LRP1B: variants seen among roughly 807,000 people sequenced by gnomAD.
LRP1B encodes LDL receptor related protein 1B.
Under a neutral mutation model 556.6 loss-of-function variants are expected in LRP1B, and 217 were observed. The observed-to-expected ratio is 0.39, with a 90% CI of 0.35 to 0.44. The LOEUF (loss-of-function observed/expected upper bound fraction) is 0.44. LRP1B is among the 20% of genes least tolerant of loss of function. LRP1B has a pLI of 1.00. For synonymous variants in LRP1B, 2,047 were observed against 1,865.8 expected, an observed-to-expected ratio of 1.10 and a Z score of -2.50; for missense variants, 5,053 against 5,620.8, an observed-to-expected ratio of 0.90 and a Z score of 3.23.
intron 7 of LRP1B, among the ~76,000 whole-genome samples, chr2:141,108,750 T>A (rs1204625946): frequency 1.3e-5 from 2 of 152,164 alleles, no homozygotes. Flanking sequence ...ACTAAAAAAG[T>A]CTTCAGTATG....
At chr2:141,654,456 G>C (rs1435660091) in intron 2 of LRP1B, among the ~76,000 whole-genome samples, 1 of 152,124 alleles carries the variant, frequency 6.6e-6, no homozygotes, top group African/African-American at 2.4e-5. Context: ...GGAAGACACT[G>C]TGAACAGGTG....
At chr2:141,610,626 T>C (rs1688077298) in intron 2 of LRP1B, among the ~76,000 whole-genome samples, 1 of 152,180 alleles carries the variant, frequency 6.6e-6, no homozygotes, top group Admixed American at 6.6e-5. Context: ...AACCTCGTGG[T>C]AACTCTTACT....
intron 66 of LRP1B, among the ~76,000 whole-genome samples, chr2:140,435,661 T>C (rs1686143787): frequency 1.4e-5 from 1 of 69,548 alleles, no homozygotes; most frequent in Non-Finnish European, 2.9e-5. Context: ...CCTGTTATTG[T>C]TAAGACAGAA....
chr2:140,242,272 A>G (rs1057501271), intron 87 of LRP1B, among the ~76,000 whole-genome samples: 1 of 151,178 alleles, frequency 6.6e-6, no homozygotes, highest in Non-Finnish European at 1.5e-5. Context: ...AGAAAATACT[A>G]CATACATGCT....
At chr2:140,850,515 T>A (rs761269309) in intron 28 of LRP1B, among the ~76,000 whole-genome samples, 186 bp from the exon 29 acceptor site, 1 of 152,138 alleles carries the variant, frequency 6.6e-6, no homozygotes, top group Non-Finnish European at 1.5e-5. Context: ...AAATATGAAA[T>A]GAGTTAGAAG....
intron 2 of LRP1B, among the ~76,000 whole-genome samples, chr2:141,749,336 C>T (rs188334843): frequency 2.4e-4 from 36 of 152,126 alleles, no homozygotes; most frequent in East Asian, 1.2e-3. Context: ...TCTTTATTGA[C>T]GTAATCAGAT....
chr2:142,128,054 T>C (rs1043037875), intron 1 of LRP1B, among the ~76,000 whole-genome samples: 2 of 152,112 alleles, frequency 1.3e-5, no homozygotes, highest in Non-Finnish European at 2.9e-5. Context: ...AACTTACATG[T>C]ACATTAGTTT....
chr2:140,956,490 T>C (rs1695877015), intron 18 of LRP1B, among the ~76,000 whole-genome samples: 2 of 151,802 alleles, frequency 1.3e-5, no homozygotes, highest in Non-Finnish European at 3.0e-5. Context: ...TAATTAAATA[T>C]TCTTATGAAA....
chr2:141,306,280 C>G (rs1159935438), intron 3 of LRP1B, among the ~76,000 whole-genome samples: 1 of 151,968 alleles, frequency 6.6e-6, no homozygotes, highest in Admixed American at 6.6e-5. Context: ...GAGTAATGGA[C>G]TTTTTTTAAT....
At chr2:141,067,118 T>C (rs1699501409) in intron 7 of LRP1B, among the ~76,000 whole-genome samples, 1 of 152,010 alleles carries the variant, frequency 6.6e-6, no homozygotes, top group Admixed American at 6.6e-5. Flanking sequence ...TCATTTTTTA[T>C]GCCATTGTAC....
intron 43 of LRP1B, among the ~76,000 whole-genome samples, chr2:140,578,434 A>C (rs900844781): frequency 8.5e-5 from 13 of 152,268 alleles, no homozygotes; most frequent in Middle Eastern, 3.4e-3. Context: ...TAAGAAAATA[A>C]ATTCTTTTAC....
chr2:141,098,868 G>C (rs947835553), intron 7 of LRP1B, among the ~76,000 whole-genome samples: 2 of 152,078 alleles, frequency 1.3e-5, no homozygotes, highest in Non-Finnish European at 2.9e-5. Flanking sequence ...TGTTGGTCAG[G>C]CTGGTCTTGA....
At chr2:140,486,583 A>C (rs1414121399) in intron 58 of LRP1B, among the ~76,000 whole-genome samples, 1 of 151,904 alleles carries the variant, frequency 6.6e-6, no homozygotes, top group Non-Finnish European at 1.5e-5. Flanking sequence ...AAAAATAGTA[A>C]AGTATCTTAA....
chr2:141,821,797 TCA>T (rs959359681), intron 1 of LRP1B, among the ~76,000 whole-genome samples: 9 of 152,268 alleles, frequency 5.9e-5, no homozygotes, highest in Middle Eastern at 6.8e-3. Context: ...CAATTTGTAC[TCA>T]CAAAAACATC....
At chr2:141,292,991 A>G (rs2105413216) in intron 3 of LRP1B, among the ~76,000 whole-genome samples, 1 of 152,236 alleles carries the variant, frequency 6.6e-6, no homozygotes, top group African/African-American at 2.4e-5. Flanking sequence ...TGGGAATGGA[A>G]TATATGGATA....
chr2:142,016,915 T>C (rs1703161775), intron 1 of LRP1B, among the ~76,000 whole-genome samples: 1 of 149,714 alleles, frequency 6.7e-6, no homozygotes, highest in Non-Finnish European at 1.5e-5. Context: ...TATATGTATA[T>C]ATGTATATGT....
chr2:141,929,474 C>A (rs554752721), intron 1 of LRP1B, among the ~76,000 whole-genome samples: 1 of 151,862 alleles, frequency 6.6e-6, no homozygotes, highest in Admixed American at 6.6e-5. Context: ...CAGATTGAAC[C>A]ATTTTTTTTA....
At chr2:142,120,573 A>G (rs1574708474) in intron 1 of LRP1B, among the ~76,000 whole-genome samples, 1 of 152,216 alleles carries the variant, frequency 6.6e-6, no homozygotes, top group African/African-American at 2.4e-5. Context: ...GGGACAATTG[A>G]AAAGGAGCTC....
chr2:140,454,908 G>A (rs963917741), intron 62 of LRP1B, among the ~76,000 whole-genome samples: 4 of 152,038 alleles, frequency 2.6e-5, no homozygotes, highest in African/African-American at 4.8e-5. Context: ...TTAAGTCATC[G>A]CCACTGTAGT....
Sources: allele counts gnomAD v4.1 joint callset (sites outside exome capture counted in the v4.1 genomes callset), GRCh38; gene constraint gnomAD v4.1.1; transcripts MANE v1.5; gene names NCBI Gene and HGNC (gene_info 2026-07-23, HGNC 2026-07-21).